CDH13: variants seen among roughly 807,000 people sequenced by gnomAD.
CDH13 encodes cadherin 13, also known as cadherin-13.
A neutral mutation model predicts 63.8 loss-of-function variants in CDH13; 24 were observed. That is an observed-to-expected ratio of 0.38 (90% CI 0.27 to 0.53). The LOEUF is 0.53. Ranked by LOEUF, CDH13 falls within the 20% of genes least tolerant of loss-of-function variation. CDH13 has a pLI of 0.85. For synonymous variants in CDH13, 503 were observed against 355.3 expected (o/e 1.42, Z -4.67); for missense variants, 1,049 against 903.1 (o/e 1.16, Z -2.07).
At chr16:82,711,639 C>T (rs12446434) in intron 1 of CDH13, among the ~76,000 whole-genome samples, 40,896 of 152,092 alleles carry the variant, frequency 0.27, 6,118 homozygotes, top group Admixed American at 0.37. Flanking sequence ...CTCTTGGGCT[C>T]CCCCACCTTG....
At chr16:82,654,035 G>A (rs965839503) in intron 1 of CDH13, among the ~76,000 whole-genome samples, 1 of 152,146 alleles carries the variant, frequency 6.6e-6, no homozygotes, top group African/African-American at 2.4e-5. Flanking sequence ...CTCAGGCAGA[G>A]ACACATGGGC....
intron 13 of CDH13, among the ~76,000 whole-genome samples, chr16:83,786,692 A>T (rs1321984007): frequency 1.3e-5 from 2 of 151,858 alleles, no homozygotes; most frequent in African/African-American, 4.8e-5. Context: ...GGTTCAAGTG[A>T]TTCTCCTGCC....
At chr16:82,653,975 G>A (rs1035626317) in intron 1 of CDH13, among the ~76,000 whole-genome samples, 2 of 152,140 alleles carry the variant, frequency 1.3e-5, no homozygotes, top group Admixed American at 6.5e-5. Flanking sequence ...GTTACAGGGA[G>A]GGACAGGGAG....
chr16:83,145,176 C>T (rs925418845), intron 4 of CDH13, among the ~76,000 whole-genome samples: 1 of 152,156 alleles, frequency 6.6e-6, no homozygotes, highest in African/African-American at 2.4e-5. Context: ...GCTTTAATTA[C>T]AGTGATGAGC....
chr16:83,739,392 G>A (rs1013949125), intron 10 of CDH13, among the ~76,000 whole-genome samples: 1 of 152,188 alleles, frequency 6.6e-6, no homozygotes, highest in Admixed American at 6.5e-5. Flanking sequence ...CTGCAAGCTG[G>A]TACCTGGTTT....
intron 2 of CDH13, among the ~76,000 whole-genome samples, chr16:82,942,939 G>A (rs994324482): frequency 2.6e-5 from 4 of 152,124 alleles, no homozygotes; most frequent in Admixed American, 1.3e-4. Flanking sequence ...CAGAGTCTGT[G>A]CTCTACCCCG....
intron 1 of CDH13, among the ~76,000 whole-genome samples, chr16:82,760,016 A>G (rs996009096): frequency 1.3e-5 from 2 of 152,218 alleles, no homozygotes; most frequent in African/African-American, 2.4e-5. Context: ...TATTATTTGC[A>G]ATAATTATGT....
At chr16:82,717,055 C>A (rs749467413) in intron 1 of CDH13, among the ~76,000 whole-genome samples, 1 of 151,960 alleles carries the variant, frequency 6.6e-6, no homozygotes, top group Non-Finnish European at 1.5e-5. Context: ...TGTCCCCTTG[C>A]TGAAGTTAGT....
At chr16:83,477,751 A>G (rs2073643827) in intron 6 of CDH13, among the ~76,000 whole-genome samples, 1 of 152,162 alleles carries the variant, frequency 6.6e-6, no homozygotes, top group Non-Finnish European at 1.5e-5. Flanking sequence ...ACCAACAGAC[A>G]AGGTCAAAAG....
At chr16:83,106,046 T>A (rs1188588131) in intron 3 of CDH13, among the ~76,000 whole-genome samples, 1 of 152,178 alleles carries the variant, frequency 6.6e-6, no homozygotes, top group Admixed American at 6.5e-5. Context: ...CAGTGATGAT[T>A]TTATTCCACT....
At chr16:83,548,506 A>C (rs1180222478) in intron 7 of CDH13, among the ~76,000 whole-genome samples, 1 of 152,164 alleles carries the variant, frequency 6.6e-6, no homozygotes, top group Non-Finnish European at 1.5e-5. Flanking sequence ...GAAACATCAG[A>C]GATGCAGTGT....
intron 6 of CDH13, among the ~76,000 whole-genome samples, chr16:83,402,769 T>C (rs185440982): frequency 5.7e-4 from 87 of 152,372 alleles, no homozygotes; most frequent in Admixed American, 5.7e-3. Flanking sequence ...ATTATTAGTA[T>C]GCAATTTCAT....
chr16:83,189,814 C>T (rs2038640864), intron 4 of CDH13, among the ~76,000 whole-genome samples: 1 of 152,138 alleles, frequency 6.6e-6, no homozygotes, highest in Non-Finnish European at 1.5e-5. Context: ...TCCCATAATC[C>T]CCACACGTCA....
chr16:82,760,854 C>T (rs1365137279), intron 1 of CDH13, among the ~76,000 whole-genome samples: 1 of 151,538 alleles, frequency 6.6e-6, no homozygotes, highest in Non-Finnish European at 1.5e-5. Flanking sequence ...GGAGGAAGTG[C>T]CAGGCCCTTT....
chr16:82,933,196 T>C (rs1208267936), intron 2 of CDH13, among the ~76,000 whole-genome samples: 3 of 152,108 alleles, frequency 2.0e-5, no homozygotes, highest in Non-Finnish European at 4.4e-5. Flanking sequence ...AAAGAGGTTT[T>C]AATTGATTCA....
intron 7 of CDH13, among the ~76,000 whole-genome samples, chr16:83,518,281 C>A (rs1008677799): frequency 6.6e-6 from 1 of 151,568 alleles, no homozygotes; most frequent in African/African-American, 2.4e-5. Context: ...GTAGCTGGGA[C>A]TACAGGCACA....
chr16:83,571,063 A>C (rs1368199728), intron 7 of CDH13, among the ~76,000 whole-genome samples: 1 of 150,700 alleles, frequency 6.6e-6, no homozygotes, highest in African/African-American at 2.4e-5. Flanking sequence ...AGGGAACCAC[A>C]CTCACCAAAG....
intron 6 of CDH13, among the ~76,000 whole-genome samples, chr16:83,441,448 C>T (rs1175279018): frequency 6.6e-6 from 1 of 152,164 alleles, no homozygotes; most frequent in African/African-American, 2.4e-5. Flanking sequence ...CAGTGACTTT[C>T]CCCGATTGGT....
intron 1 of CDH13, among the ~76,000 whole-genome samples, chr16:82,711,070 C>T (rs80306934): frequency 4.0e-5 from 6 of 151,806 alleles, no homozygotes; most frequent in African/African-American, 1.2e-4. Flanking sequence ...GTCATTTGCC[C>T]GGACCGCATT....
Sources: gnomAD v4.1 joint callset for allele counts (sites outside exome capture counted in the v4.1 genomes callset) on GRCh38, gnomAD v4.1.1 for gene constraint, MANE v1.5 for transcripts, NCBI Gene and HGNC (gene_info 2026-07-23, HGNC 2026-07-21) for gene names.